LRP2: variants seen among roughly 807,000 people sequenced by gnomAD.
LRP2 encodes low-density lipoprotein receptor-related protein 2.
Under a neutral mutation model 531.0 loss-of-function variants are expected in LRP2, and 172 were observed. The observed-to-expected ratio is 0.32, with a 90% CI of 0.29 to 0.37. The LOEUF (loss-of-function observed/expected upper bound fraction) is 0.37, where lower values mean the gene tolerates loss of function less well. Ranked by LOEUF, LRP2 falls within the 10% of genes least tolerant of loss-of-function variation. LRP2 has a pLI of 1.00. For missense variants in LRP2, 5,167 were observed against 5,868.3 expected (o/e 0.88, Z 3.90); for synonymous variants, 1,992 against 2,027.6 (o/e 0.98, Z 0.47).
In LRP2 at chr2:169,196,995, C is replaced by T. The variant is rs2228171; in HGVS notation, c.8614G>A (p.Ala2872Thr). The part of the protein sequence containing the change: ...HTCSSSEFQC[A>T]SGRCIPQHWY... ...TGTTGAGGAATACAGCGCCCAGATG[C>T]GCATTGGAACTCACTGCTGCTGCAC... The change falls in exon 46 of 79, where the codon GCA becomes ACA. Residue 2872 changes from alanine to threonine, a missense_variant. Around this residue, in one of 6 missense-constraint regions of LRP2, gnomAD observed 1,129 missense variants for 1,362.7 expected, o/e 0.83. Coordinates refer to ENST00000649046, the MANE Select transcript of LRP2 (RefSeq NM_004525.3). 0.27 allele frequency: 432,846 copies of T among 1,613,604 alleles called. 61,712 individuals carry two copies. The highest frequency in any genetic ancestry group is 0.56 in the East Asian group (25,044 of 44,868).
Position 169,145,775 on chromosome 2 carries a change from G to T in LRP2, c.12960C>A (p.Ile4320=). ...VVNPWLTQVR[I]FHQLRYNKSV... Reference sequence around the variant, plus strand: ...ACTTATTGTATCTGAGTTGATGAAAGATTCGAACTTGAGTGAGCCAAGGGT... The same window carrying T: ...ACTTATTGTATCTGAGTTGATGAAATATTCGAACTTGAGTGAGCCAAGGGT... Residue 4320 remains isoleucine, a synonymous_variant, in exon 70 of 79, where the codon ATC becomes ATA. Transcript: ENST00000649046. 6.2e-7 allele frequency: 1 copy of T among 1,614,116 alleles called. No homozygotes were observed. The highest frequency in any genetic ancestry group is 1.1e-5 in the South Asian group (1 of 91,082).
intron 1 of LRP2, among the ~76,000 whole-genome samples, chr2:169,339,877 T>A (rs1408161047): frequency 6.6e-6 from 1 of 152,198 alleles, no homozygotes; most frequent in South Asian, 2.1e-4. Flanking sequence ...GTTATCACCA[T>A]AGCAACCCTC....
Position 169,259,203 on chromosome 2 carries a change from C to A in LRP2, c.2335G>T (p.Ala779Ser), listed in dbSNP as rs759066438. 1.9e-6 allele frequency: 3 copies of A among 1,612,644 alleles called. No individual in the cohort carries two copies. The highest frequency in any genetic ancestry group is 2.2e-5 in the East Asian group (1 of 44,830). Residue 779 changes from alanine (A) to serine (S), a missense_variant, in exon 17 of 79, where the codon GCA becomes TCA. Ala to Ser is a moderately conservative substitution (Grantham distance 99). Around this residue, in one of 6 missense-constraint regions of LRP2, gnomAD observed 2,811 missense variants for 3,058.0 expected, o/e 0.92. Transcript: ENST00000649046. ...KIDGTGREIL[A>S]ANRVENVESL... ...TCAACATTTTCCACCCTGTTAGCTG[C>A]GAGAATTTCTCTTCCTATAAGTTAA...
At chr2:169,198,071 C>T (rs888735701) in intron 45 of LRP2, among the ~76,000 whole-genome samples, 4 of 152,076 alleles carry the variant, frequency 2.6e-5, no homozygotes, top group African/African-American at 4.8e-5. Context: ...TTGCTAAATA[C>T]GAAATAGAGA....
chr2:169,258,249 CT>C (rs1405631881), intron 17 of LRP2, among the ~76,000 whole-genome samples: 2 of 152,104 alleles, frequency 1.3e-5, no homozygotes, highest in Non-Finnish European at 2.9e-5. Flanking sequence ...GCTGCGGGCC[CT>C]TTCACAAGTC....
chr2:169,147,489 TGTTTTTA>T (rs949044342), intron 68 of LRP2, among the ~76,000 whole-genome samples: 10 of 152,132 alleles, frequency 6.6e-5, no homozygotes, highest in Non-Finnish European at 1.2e-4. Context: ...TAGTTTTTTG[TGTTTTTA>T]GTAGAGACGT....
rs1286236745 is a variant in LRP2 at position 169,231,957 on chromosome 2, C to T, written c.5099-115G>A. 7.9e-6 allele frequency: 10 copies of T among 1,258,446 alleles called. No individual in the cohort carries two copies. The Middle Eastern group carries it at 6.4e-4, about 80-fold the overall frequency. 78.0% of individuals were successfully genotyped at this position (1,258,446 alleles called of 1,614,324 possible). On this transcript the variant is annotated intron_variant, in intron 30 of 78. Transcript: ENST00000649046. Reference sequence around the variant, plus strand: ...GCCCCAGTACAGGGGGGCTTAAGTACGTTGTTACCTCTGTTGTTTTCTTTT... The same window carrying T: ...GCCCCAGTACAGGGGGGCTTAAGTATGTTGTTACCTCTGTTGTTTTCTTTT...
At chr2:169,195,597 T>C (rs1687978462) in intron 46 of LRP2, among the ~76,000 whole-genome samples, 1 of 152,236 alleles carries the variant, frequency 6.6e-6, no homozygotes, top group African/African-American at 2.4e-5. Context: ...TGGTACTCAC[T>C]GCTATTACTA....
intron 22 of LRP2, among the ~76,000 whole-genome samples, chr2:169,243,944 A>G (rs936394652): frequency 4.6e-5 from 7 of 152,246 alleles, no homozygotes; most frequent in African/African-American, 1.7e-4. Flanking sequence ...AACTGGATTT[A>G]AAAGTCTGAA....
chr2:169,282,626 T>G (rs1447840552), intron 10 of LRP2, among the ~76,000 whole-genome samples: 1 of 152,142 alleles, frequency 6.6e-6, no homozygotes, highest in Admixed American at 6.5e-5. Context: ...CTAGGCAAAG[T>G]AAACAATCAA....
chr2:169,281,733 A>AAAAT (rs1201601000), intron 10 of LRP2, among the ~76,000 whole-genome samples: 48 of 151,762 alleles, frequency 3.2e-4, no homozygotes, highest in Admixed American at 1.0e-3. Flanking sequence ...TAAATAAATA[A>AAAAT]AAATAAATAA....
At chr2:169,301,263 C>A (rs1251174029) in intron 4 of LRP2, among the ~76,000 whole-genome samples, 1 of 152,086 alleles carries the variant, frequency 6.6e-6, no homozygotes, top group Non-Finnish European at 1.5e-5. Flanking sequence ...AACTGAAAGT[C>A]ACGTCAATAT....
chr2:169,243,444 C>T lies in LRP2; in HGVS notation c.3509G>A (p.Gly1170Asp), dbSNP rs1287003705. 2.5e-6 allele frequency: 4 copies of T among 1,614,190 alleles called. No individual in the cohort carries two copies. The highest frequency in any genetic ancestry group is 2.2e-5 in the East Asian group (1 of 44,884). The change falls in exon 23 of 79, where the codon GGT (glycine) becomes GAT (aspartate). Residue 1170 changes from glycine to aspartate, a missense_variant. Gly to Asp is a moderately conservative substitution (Grantham distance 94). Coordinates refer to ENST00000649046, the MANE Select transcript of LRP2 (RefSeq NM_004525.3). ...AGATCCATCAACACAATCCTTGTCA[C>T]CATCACAGACAAACGATAGGTCAAT... ...RCIDLSFVCDGDKDCVDGSDE... is the reference protein window; with the variant it reads ...RCIDLSFVCDDDKDCVDGSDE...
At position 169,197,029 on chromosome 2, in the gene LRP2, G is replaced by A. The variant is rs1688027237; in HGVS notation, c.8580C>T (p.Thr2860=). 13 of 1,613,746 alleles carry A rather than the reference G, an allele frequency of 8.1e-6. No homozygotes were observed. Among genetic ancestry groups the A allele is most frequent in the African/African-American group, 1.3e-5 (1 of 75,066 alleles). Residue 2860 remains threonine, a splice_region_variant and synonymous_variant, in exon 46 of 79, where the codon ACC becomes ACT. Coordinates refer to ENST00000649046, the MANE Select transcript of LRP2 (RefSeq NM_004525.3). ...ACTCACTGCTGCTGCACGTGTGAGT[G>A]GCTGCAGGAGGGAAAGAAGATAAAA... is the stretch of plus-strand genomic sequence containing the variant. ...DNSDENPTYC[T]THTCSSSEFQ...
intron 24 of LRP2, among the ~76,000 whole-genome samples, chr2:169,241,835 T>C (rs1689817883): frequency 6.6e-6 from 1 of 152,218 alleles, no homozygotes. Context: ...AATGAAACCA[T>C]CACACACTAA....
intron 33 of LRP2, among the ~76,000 whole-genome samples, chr2:169,221,809 G>C (rs1190783206): frequency 2.0e-5 from 3 of 151,570 alleles, no homozygotes; most frequent in Admixed American, 6.6e-5. Flanking sequence ...TTCTTTTCTC[G>C]GTTTGCCTCT....
rs78319662 is a variant in LRP2 at position 169,173,512 on chromosome 2, T to C, written c.11015-288A>G. On this transcript the variant is annotated intron_variant, in intron 56 of 78. Coordinates refer to ENST00000649046, the MANE Select transcript of LRP2 (RefSeq NM_004525.3). Reference sequence around the variant, plus strand: ...AAAAAACCTGGGTTGAAGTGTTAGGTCTGACACTAAACAGTAATGTAACCA... The same window carrying C: ...AAAAAACCTGGGTTGAAGTGTTAGGCCTGACACTAAACAGTAATGTAACCA... Among the ~76,000 whole-genome samples the C allele has an allele frequency of 0.016, 2,417 of 152,244 alleles. 66 individuals are homozygous for C. Among genetic ancestry groups the C allele is most frequent in the African/African-American group, 0.054 (2,248 of 41,526 alleles).
intron 1 of LRP2, among the ~76,000 whole-genome samples, chr2:169,345,252 A>C (rs1218907435): frequency 6.6e-6 from 1 of 152,190 alleles, no homozygotes; most frequent in Non-Finnish European, 1.5e-5. Flanking sequence ...ATCTAGCCAC[A>C]AGCCAAGTTT....
At chr2:169,210,467 C>A (rs4668124) in intron 37 of LRP2, among the ~76,000 whole-genome samples, 24,583 of 152,176 alleles carry the variant, frequency 0.16, 2,304 homozygotes, top group South Asian at 0.29. Context: ...AGTATTATTG[C>A]TAAATGTATT....
Sources: gnomAD v4.1 joint callset for allele counts (sites outside exome capture counted in the v4.1 genomes callset) on GRCh38, gnomAD v4.1.1 for gene constraint, gnomAD v4.1.1 regional missense constraint, MANE v1.5 for transcripts, NCBI Gene and HGNC (gene_info 2026-07-23, HGNC 2026-07-21) for gene names.